CTRB1: variants seen among roughly 807,000 people sequenced by gnomAD.
The protein encoded by CTRB1 is chymotrypsinogen B.
In CTRB1, 15 loss-of-function variants were observed where a neutral mutation model predicts 20.4. The observed-to-expected ratio is 0.74, with a 90% CI of 0.49 to 1.13. The LOEUF (loss-of-function observed/expected upper bound fraction) is 1.13, where lower values mean the gene tolerates loss of function less well. Among genes scored for constraint, CTRB1 ranks in the 50% most tolerant of loss-of-function variants. The pLI, the probability that CTRB1 is intolerant of heterozygous loss-of-function variation, is 0.00. For missense variants in CTRB1, 227 were observed against 290.1 expected, an observed-to-expected ratio of 0.78 and a Z score of 1.58; for synonymous variants, 92 against 128.4, an observed-to-expected ratio of 0.72 and a Z score of 1.92.
Position 75,224,123 on chromosome 16 carries a change from T to C in CTRB1, c.565T>C (p.Ser189Pro). ...PLLSNAECKK[S>P]WGRRITDVMI... is the part of the protein sequence containing the mutation. Reference sequence around the variant, plus strand: ...CCTGTCCAATGCCGAATGCAAGAAGTCCTGGGGCAGGAGGATCACCGACGT... The same window carrying C: ...CCTGTCCAATGCCGAATGCAAGAAGCCCTGGGGCAGGAGGATCACCGACGT... Residue 189 changes from serine (S) to proline (P), a missense_variant, in exon 6 of 7, where the codon TCC becomes CCC. Ser to Pro is a moderately conservative substitution (Grantham distance 74). Around this residue, in one of 4 missense-constraint regions of CTRB1, gnomAD observed 36 missense variants for 51.6 expected, o/e 0.70. Transcript: ENST00000361017. 1.4e-6 allele frequency: 2 copies of C among 1,419,010 alleles called. No individual in the cohort carries two copies. Among genetic ancestry groups the C allele is most frequent in the African/African-American group, 1.5e-5 (1 of 65,816 alleles). 87.9% of individuals were successfully genotyped at this position (1,419,010 alleles called of 1,614,324 possible).
At chr16:75,219,246 G>A (rs1023192975) in intron 1 of CTRB1, among the ~76,000 whole-genome samples, 187 bp downstream of exon 1, 1 of 152,196 alleles carries the variant, frequency 6.6e-6, no homozygotes, top group African/African-American at 2.4e-5. Context: ...GAAGGACGAT[G>A]CTGGTCTCTG....
At chr16:75,220,570 C>G (rs1253012438) in intron 1 of CTRB1, among the ~76,000 whole-genome samples, 1 of 152,146 alleles carries the variant, frequency 6.6e-6, no homozygotes, top group African/African-American at 2.4e-5. Context: ...TGCTGGATTA[C>G]AGGTGTGAGC....
At chr16:75,224,286 C>T in intron 6 of CTRB1, 98 bp downstream of exon 6, 2 of 1,546,090 alleles carry the variant, frequency 1.3e-6, no homozygotes, top group Admixed American at 2.0e-5. Context: ...AACCCCACTC[C>T]TTCCTGGGTG....
intron 1 of CTRB1, 31 bp from the exon 2 acceptor site, chr16:75,222,737 C>T (rs1413911863): frequency 6.5e-7 from 1 of 1,545,328 alleles, no homozygotes; most frequent in Admixed American, 2.0e-5. Context: ...GGTTTGGGGC[C>T]TCAGCCCTTA....
chr16:75,222,459 G>A (rs539821445), intron 1 of CTRB1, among the ~76,000 whole-genome samples: 1 of 152,316 alleles, frequency 6.6e-6, no homozygotes, highest in South Asian at 2.1e-4. Context: ...CAAGGAAAGT[G>A]TGTCCTCGAG....
intron 1 of CTRB1, among the ~76,000 whole-genome samples, chr16:75,221,962 G>A (rs1490491163): frequency 1.3e-5 from 2 of 151,470 alleles, no homozygotes; most frequent in African/African-American, 4.9e-5. Context: ...TCGGGAGGCT[G>A]AGGCAGGAGA....
rs748380432 is a variant in CTRB1 at position 75,222,833 on chromosome 16, G to T, written c.118G>T (p.Ala40Ser). 2.0e-6 allele frequency: 3 copies of T among 1,534,652 alleles called. No individual in the cohort carries two copies. The highest frequency in any genetic ancestry group is 2.0e-5 in the Admixed American group (1 of 50,038). Residue 40 changes from alanine to serine, a missense_variant, in exon 2 of 7, where the codon GCC becomes TCC. Ala to Ser is a moderately conservative substitution (Grantham distance 99). This residue lies in a region of CTRB1 where 71 missense variants were observed against 69.1 expected (regional missense o/e 1.03). Transcript: ENST00000361017. The part of the protein sequence containing the change: ...GLSRIVNGED[A>S]VPGSWPWQVS... Reference sequence around the variant, plus strand: ...GTCCAGGATCGTGAATGGGGAGGACGCCGTCCCCGGCTCCTGGCCCTGGCA... The same window carrying T: ...GTCCAGGATCGTGAATGGGGAGGACTCCGTCCCCGGCTCCTGGCCCTGGCA...
At chr16:75,224,031 C>G in intron 5 of CTRB1, 24 bp from the exon 6 acceptor site, 1 of 888,974 alleles carries the variant, frequency 1.1e-6, no homozygotes, top group Non-Finnish European at 1.7e-6. Flanking sequence ...GCCCAGGGGC[C>G]CTGACCCTCC....
In CTRB1 at chr16:75,224,835, CT is replaced by C. The variant is rs1449182144; in HGVS notation, c.763del (p.Trp255GlyfsTer?). On this transcript the variant is annotated frameshift_variant, in exon 7 of 7. Coordinates refer to ENST00000361017, the MANE Select transcript of CTRB1 (RefSeq NM_001906.6). LOFTEE classifies it high-confidence loss of function. The stretch of plus-strand genomic sequence containing the variant: ...TACGCCCGTGTCACCAAGCTCATAC[CT>C]TGGGTGCAGAAGATCCTGGCTGCCA... Reference protein sequence around the residue: ...GVYARVTKLIPWVQKILAAN With the variant: ...GVYARVTKLIXWVQKILAAN 1.2e-6 allele frequency: 2 copies of C among 1,613,972 alleles called. No individual in the cohort carries two copies. The highest frequency in any genetic ancestry group is 1.7e-6 in the Non-Finnish European group (2 of 1,180,030).
Position 75,224,893 on chromosome 16 carries a change from C to T in CTRB1, c.*27C>T, listed in dbSNP as rs2076726727. ...CCCGCGGCTCCCTCCGACCCTGCTC[C>T]CCACAGAGCCTCAGTAAACCCATGG... On this transcript the variant is annotated 3_prime_UTR_variant, in exon 7 of 7. Transcript: ENST00000361017. The T allele has an allele frequency of 1.2e-6, 2 of 1,611,396 alleles. No homozygotes were observed. Among genetic ancestry groups the T allele is most frequent in the South Asian group, 2.2e-5 (2 of 91,006 alleles).
chr16:75,219,142 C>T (rs2039042846), intron 1 of CTRB1, 83 bp downstream of exon 1: 2 of 1,427,164 alleles, frequency 1.4e-6, no homozygotes, highest in Admixed American at 4.1e-5. Context: ...TGCTCTGCCC[C>T]CTGGGGCCTC....
At chr16:75,221,884 A>G (rs2039090347) in intron 1 of CTRB1, among the ~76,000 whole-genome samples, 1 of 151,242 alleles carries the variant, frequency 6.6e-6, no homozygotes, top group Non-Finnish European at 1.5e-5. Context: ...AACACGGTGA[A>G]ACCCCGTCTC....
rs2287990 is a variant in CTRB1 at position 75,224,719 on chromosome 16, C to T, written c.645C>T (p.Gly215=). ...CTCTCCCACAGGGCGACTCTGGCGG[C>T]CCCCTGGTCTGCCAAAAGGATGGAG... The part of the protein sequence containing the change: ...GVSSCMGDSG[G]PLVCQKDGAW... The change falls in exon 7 of 7, where the codon GGC becomes GGT. Residue 215 remains glycine, a synonymous_variant. Transcript: ENST00000361017. 0.099 allele frequency: 159,675 copies of T among 1,609,830 alleles called. 8,692 individuals are homozygous for T. The highest frequency in any genetic ancestry group is 0.23 in the East Asian group (10,443 of 44,796).
At chr16:75,220,293 C>T (rs1464090611) in intron 1 of CTRB1, among the ~76,000 whole-genome samples, 2 of 152,136 alleles carry the variant, frequency 1.3e-5, no homozygotes, top group African/African-American at 2.4e-5. Flanking sequence ...AAGCATTTCT[C>T]CTGCCTCAGC....
intron 1 of CTRB1, 147 bp from the exon 2 acceptor site, chr16:75,222,621 G>C: frequency 1.2e-6 from 1 of 810,668 alleles, no homozygotes; most frequent in South Asian, 1.9e-5. Flanking sequence ...TAGAGACTTG[G>C]GGACCAGGGA....
At chr16:75,220,236 T>G (rs1486231952) in intron 1 of CTRB1, among the ~76,000 whole-genome samples, 1 of 152,160 alleles carries the variant, frequency 6.6e-6, no homozygotes, top group Non-Finnish European at 1.5e-5. Flanking sequence ...CAGGCTGGAG[T>G]GCAGTGGCGT....
chr16:75,219,833 C>T (rs1405124147), intron 1 of CTRB1, among the ~76,000 whole-genome samples: 1 of 152,248 alleles, frequency 6.6e-6, no homozygotes, highest in Admixed American at 6.5e-5. Flanking sequence ...TCCCTTTTCT[C>T]CCTCCTTCCC....
At chr16:75,224,287 T>G in intron 6 of CTRB1, 99 bp downstream of exon 6, 3 of 1,545,708 alleles carry the variant, frequency 1.9e-6, no homozygotes, top group Non-Finnish European at 1.8e-6. Flanking sequence ...ACCCCACTCC[T>G]TCCTGGGTGT....
chr16:75,224,587 T>G, intron 6 of CTRB1, 118 bp from the exon 7 acceptor site: 3 of 1,202,552 alleles, frequency 2.5e-6, no homozygotes, highest in Non-Finnish European at 3.5e-6. Context: ...CAACAGCACA[T>G]GCTGAGCCTT....
Sources: gnomAD v4.1 joint callset for allele counts (sites outside exome capture counted in the v4.1 genomes callset) on GRCh38, gnomAD v4.1.1 for gene constraint, gnomAD v4.1.1 regional missense constraint, MANE v1.5 for transcripts, NCBI Gene and HGNC (gene_info 2026-07-23, HGNC 2026-07-21) for gene names.